The following SULF1 variants were observed in gnomAD, a reference collection of about 807,000 sequenced individuals.
The protein encoded by SULF1 is extracellular sulfatase Sulf-1.
Under a neutral mutation model 110.5 loss-of-function variants are expected in SULF1, and 46 were observed. The observed-to-expected ratio is 0.42, with a 90% CI of 0.33 to 0.53. SULF1 has a LOEUF of 0.53. Ranked by LOEUF, SULF1 falls within the 20% of genes least tolerant of loss-of-function variation. The probability of loss-of-function intolerance (pLI) is 0.12; values close to 1 mark genes in which losing one functional copy is unlikely to be tolerated. For synonymous variants in SULF1, 371 were observed against 387.1 expected (o/e 0.96, Z 0.49); for missense variants, 941 against 1,094.2 (o/e 0.86, Z 1.98).
chr8:69,490,084 C>T (rs1809867199), upstream of SULF1, among the ~76,000 whole-genome samples: 1 of 150,378 alleles, frequency 6.6e-6, no homozygotes, highest in South Asian at 2.1e-4. Flanking sequence ...TCTTCTGGAT[C>T]CCAAGTTCCA....
intron 13 of SULF1, among the ~76,000 whole-genome samples, chr8:69,613,374 T>A (rs756288875): frequency 1.9e-4 from 28 of 149,030 alleles, no homozygotes; most frequent in Non-Finnish European, 3.4e-4. Context: ...TGTTTCTTAC[T>A]CATGAAAATG....
rs753208712 is a variant in SULF1, at chr8:69,468,968, G to GA, written c.-391+2025dup. ...TTTGACAGTATGGGACAATTCCCCT[G>GA]AAAAAAACAATTGTACACAGGATTA... On this transcript the variant is annotated intron_variant, in intron 1 of 22. Transcript: ENST00000260128. 1.6e-4 allele frequency among the ~76,000 whole-genome samples: 24 copies of GA among 152,188 alleles called. 1 individual carries two copies. Among genetic ancestry groups the GA allele is most frequent in the Non-Finnish European group, 2.8e-4 (19 of 67,990 alleles).
rs1219726172 is a variant in SULF1, at chr8:69,563,935, C to T, written c.-41C>T. ...GCCCAGAACTCCAGAAATCAGGAGACGGAGACATTTTGTCAGTTTTGCAAC... is the reference window on the plus strand; with the variant it reads ...GCCCAGAACTCCAGAAATCAGGAGATGGAGACATTTTGTCAGTTTTGCAAC... On this transcript the variant is annotated 5_prime_UTR_variant, in exon 5 of 23. In the 5' UTR this introduces an upstream ATG that the reference lacks. Transcript: ENST00000402687. The T allele has an allele frequency of 1.8e-5, 29 of 1,597,934 alleles. No individual in the cohort carries two copies. Among genetic ancestry groups the T allele is most frequent in the Non-Finnish European group, 2.3e-5 (27 of 1,167,158 alleles).
chr8:69,467,887 C>T (rs934498062), intron 1 of SULF1, among the ~76,000 whole-genome samples: 2 of 152,026 alleles, frequency 1.3e-5, no homozygotes, highest in Non-Finnish European at 2.9e-5. Flanking sequence ...ATCATATATG[C>T]GAGTAGCCGT....
chr8:69,528,696 C>T (rs1812867891), intron 3 of SULF1, among the ~76,000 whole-genome samples: 1 of 152,154 alleles, frequency 6.6e-6, no homozygotes, highest in Admixed American at 6.5e-5. Context: ...ATAAGACAAG[C>T]ACAGCATGGC....
chr8:69,628,632 A>AC (rs1228289093), intron 18 of SULF1, among the ~76,000 whole-genome samples: 1 of 152,228 alleles, frequency 6.6e-6, no homozygotes, highest in Non-Finnish European at 1.5e-5. Flanking sequence ...GAAGAAATAT[A>AC]AATTTTTTTA....
At chr8:69,623,819 A>C in intron 14 of SULF1, 123 bp from the exon 15 acceptor site, 1 of 1,167,170 alleles carries the variant, frequency 8.6e-7, no homozygotes, top group South Asian at 1.7e-5. Context: ...CCACGATGCC[A>C]CTCAGCAATG....
intron 3 of SULF1, among the ~76,000 whole-genome samples, chr8:69,513,339 T>C (rs1811705598): frequency 6.6e-6 from 1 of 152,198 alleles, no homozygotes; most frequent in Non-Finnish European, 1.5e-5. Flanking sequence ...GAAATAAATA[T>C]TGAGAAGAAC....
intron 18 of SULF1, 97 bp from the exon 19 acceptor site, chr8:69,629,407 G>A: frequency 2.4e-6 from 3 of 1,244,138 alleles, no homozygotes; most frequent in African/African-American, 3.0e-5. Flanking sequence ...TCTTATCAAG[G>A]CATCTAAATA....
chr8:69,649,805 G>A (rs1812189865), intron 22 of SULF1, among the ~76,000 whole-genome samples: 1 of 151,888 alleles, frequency 6.6e-6, no homozygotes, highest in South Asian at 2.1e-4. Flanking sequence ...CTTGGCAAAG[G>A]TGGAGTTTGC....
intron 8 of SULF1, among the ~76,000 whole-genome samples, chr8:69,598,160 G>T (rs1442227201): frequency 6.6e-6 from 1 of 151,562 alleles, no homozygotes; most frequent in Admixed American, 6.6e-5. Context: ...ATTTTCTTTG[G>T]TAGGCAGGAG....
At chr8:69,605,418 A>G (rs954218751) in intron 13 of SULF1, among the ~76,000 whole-genome samples, 4 of 152,170 alleles carry the variant, frequency 2.6e-5, no homozygotes, top group African/African-American at 9.6e-5. Flanking sequence ...GAGAAACCAT[A>G]TTCTGTTTGT....
At position 69,493,021 on chromosome 8, in the gene SULF1, C is replaced by G. The variant is rs958065824; in HGVS notation, c.-495C>G. On this transcript the variant is annotated 5_prime_UTR_variant, in exon 1 of 23. Transcript: ENST00000402687. ...GGCAGATGAGGAACATGACTCTCCC[C>G]CTTCGGAGGAGGAAGGAAGTCCCGC... The G allele has an allele frequency of 1.3e-5, 2 of 152,614 alleles. No individual in the cohort carries two copies. Among genetic ancestry groups the G allele is most frequent in the Non-Finnish European group, 2.9e-5 (2 of 68,072 alleles). 9.5% of individuals were successfully genotyped at this position (152,614 alleles called of 1,614,324 possible). A position where few individuals can be genotyped will look rare whatever the true frequency, so the allele number is the denominator to read the frequency against.
At chr8:69,599,595 A>G (rs183695348) in intron 8 of SULF1, among the ~76,000 whole-genome samples, 78 of 152,354 alleles carry the variant, frequency 5.1e-4, no homozygotes, top group Non-Finnish European at 8.5e-4. Flanking sequence ...TGGTTTGCAT[A>G]ATACCCAACA....
At chr8:69,564,282 A>G in intron 5 of SULF1, 135 bp downstream of exon 5, 2 of 1,041,224 alleles carry the variant, frequency 1.9e-6, no homozygotes, top group Non-Finnish European at 2.8e-6. Context: ...TACGCAATGA[A>G]CTTGTATTGA....
chr8:69,641,044 A>G, intron 22 of SULF1: 1 of 450,090 alleles, frequency 2.2e-6, no homozygotes, highest in South Asian at 5.1e-5. Flanking sequence ...TGTCCCATCA[A>G]GATGTTCCAG....
intron 5 of SULF1, among the ~76,000 whole-genome samples, chr8:69,567,200 A>C (rs1051920687): frequency 6.6e-6 from 1 of 152,102 alleles, no homozygotes; most frequent in African/African-American, 2.4e-5. Context: ...TGTGGGTTGG[A>C]GGTCCAGAAA....
intron 22 of SULF1, among the ~76,000 whole-genome samples, chr8:69,654,689 T>A (rs889000106): frequency 2.0e-5 from 3 of 152,158 alleles, no homozygotes; most frequent in African/African-American, 7.2e-5. Context: ...CTGCCCCCTC[T>A]CCTCTTATCC....
intron 1 of SULF1, among the ~76,000 whole-genome samples, chr8:69,487,246 A>G (rs968112832): frequency 1.3e-5 from 2 of 152,230 alleles, no homozygotes; most frequent in Non-Finnish European, 2.9e-5. Context: ...CTAAGGATAA[A>G]TGATTTCACA....
Sources: gnomAD v4.1 joint callset for allele counts (sites outside exome capture counted in the v4.1 genomes callset) on GRCh38, gnomAD v4.1.1 for gene constraint, MANE v1.5 for transcripts, NCBI Gene and HGNC (gene_info 2026-07-23, HGNC 2026-07-21) for gene names.